Variants in CNBD1 observed in about 807,000 individuals in gnomAD.
CNBD1 encodes the protein cyclic nucleotide-binding domain-containing protein 1.
Under a neutral mutation model 54.4 loss-of-function variants are expected in CNBD1, and 71 were observed. The observed-to-expected ratio is 1.30, with a 90% CI of 1.08 to 1.59. The LOEUF is 1.59. Among genes scored for constraint, CNBD1 ranks in the 40% most tolerant of loss-of-function variants. CNBD1 has a pLI of 0.00. For synonymous variants in CNBD1, 182 were observed against 170.7 expected (o/e 1.07, Z -0.51); for missense variants, 659 against 518.0 (o/e 1.27, Z -2.64).
chr8:87,093,939 C>T (rs573597305), intron 4 of CNBD1, among the ~76,000 whole-genome samples: 1 of 152,228 alleles, frequency 6.6e-6, no homozygotes, highest in African/African-American at 2.4e-5. Flanking sequence ...CTGTTCCTTT[C>T]TAGGAACAGA....
rs545187554 is a variant in CNBD1 at position 87,274,290 on chromosome 8, A to G, written c.772-10388A>G. On this transcript the variant is annotated intron_variant, in intron 6 of 10. Coordinates refer to ENST00000518476, the MANE Select transcript of CNBD1 (RefSeq NM_173538.3). ...TAGTCCTTTGGGTATATACCCAGTA[A>G]TGGGATGGCTGGGTCAAATGGTATT... Among the ~76,000 whole-genome samples, 4 of 150,080 alleles carry G rather than the reference A, an allele frequency of 2.7e-5. No homozygotes were observed. In the East Asian group the frequency reaches 7.8e-4, roughly 29 times the overall value.
intron 6 of CNBD1, among the ~76,000 whole-genome samples, chr8:87,260,250 C>T (rs538536090): frequency 6.6e-6 from 1 of 152,074 alleles, no homozygotes; most frequent in Non-Finnish European, 1.5e-5. Context: ...AAGGCAGAGA[C>T]CAAGAGAAAG....
chr8:87,367,659 A>G (rs527323624), intron 10 of CNBD1, among the ~76,000 whole-genome samples: 18 of 152,250 alleles, frequency 1.2e-4, no homozygotes, highest in African/African-American at 4.1e-4. Flanking sequence ...TATATGTTTT[A>G]TCTAATCAAA....
chr8:87,012,092 T>G (rs1016397263), intron 4 of CNBD1, among the ~76,000 whole-genome samples: 1 of 152,180 alleles, frequency 6.6e-6, no homozygotes, highest in African/African-American at 2.4e-5. Context: ...TGGTTTGAAT[T>G]TATAAGTTAG....
intron 4 of CNBD1, among the ~76,000 whole-genome samples, chr8:87,198,402 A>C (rs1813767172): frequency 6.6e-6 from 1 of 152,184 alleles, no homozygotes; most frequent in South Asian, 2.1e-4. Flanking sequence ...GAGTTCCCCT[A>C]TTATATTATT....
intron 4 of CNBD1, among the ~76,000 whole-genome samples, chr8:87,106,619 C>A (rs1170779698): frequency 2.6e-5 from 4 of 152,150 alleles, no homozygotes; most frequent in Non-Finnish European, 5.9e-5. Flanking sequence ...TTTAATTAAA[C>A]TTCTGTATCC....
chr8:87,096,629 CCTG>C (rs1811325855), intron 4 of CNBD1, among the ~76,000 whole-genome samples: 2 of 152,046 alleles, frequency 1.3e-5, no homozygotes, highest in Admixed American at 6.5e-5. Flanking sequence ...TCCACACATG[CCTG>C]CCTTTTAGCT....
At position 87,394,091 on chromosome 8, in the gene CNBD1, C is replaced by G. The variant is rs1285583917; in HGVS notation, c.214-34455C>G. On this transcript the variant is annotated intron_variant, in intron 2 of 7. Transcript: ENST00000521593. ...ACATGCTTATTTCTATGGACATGAT[C>G]ACAGGCTATATTTTGCCATTTGTTG... 2.0e-5 allele frequency among the ~76,000 whole-genome samples: 3 copies of G among 151,812 alleles called. No homozygotes were observed. The South Asian group carries it at 6.2e-4, about 31-fold the overall frequency.
At chr8:87,082,162 G>A (rs1333145062) in intron 4 of CNBD1, among the ~76,000 whole-genome samples, 1 of 152,074 alleles carries the variant, frequency 6.6e-6, no homozygotes, top group Non-Finnish European at 1.5e-5. Context: ...ATTTGTTCCT[G>A]CCCCACCCCA....
intron 6 of CNBD1, among the ~76,000 whole-genome samples, chr8:87,238,808 C>G (rs1021784679): frequency 6.6e-6 from 1 of 151,974 alleles, no homozygotes; most frequent in Non-Finnish European, 1.5e-5. Flanking sequence ...GCCAAAGAAC[C>G]CTGGGATTAG....
chr8:87,200,984 A>T (rs1813847345), intron 4 of CNBD1, among the ~76,000 whole-genome samples: 1 of 152,220 alleles, frequency 6.6e-6, no homozygotes, highest in South Asian at 2.1e-4. Context: ...ATGAATATTG[A>T]TGCAAATATT....
chr8:86,895,945 T>C (rs750386175), intron 2 of CNBD1, among the ~76,000 whole-genome samples: 2 of 152,178 alleles, frequency 1.3e-5, no homozygotes, highest in African/African-American at 2.4e-5. Flanking sequence ...GCACATTTTT[T>C]AATTGTGTTG....
chr8:87,096,218 G>T (rs1811317090), intron 4 of CNBD1, among the ~76,000 whole-genome samples: 3 of 152,164 alleles, frequency 2.0e-5, no homozygotes, highest in African/African-American at 4.8e-5. Context: ...CACAATTCTG[G>T]AGACTGGGAA....
At position 87,326,592 on chromosome 8, in the gene CNBD1, G is replaced by A. The variant is rs1407900492; in HGVS notation, c.1043-25093G>A. Among the ~76,000 whole-genome samples, 20 of 114,896 alleles carry A rather than the reference G, an allele frequency of 1.7e-4. 1 individual carries two copies. Among genetic ancestry groups the A allele is most frequent in the African/African-American group, 4.9e-4 (15 of 30,790 alleles). The allele number at this position is 114,896 out of a possible 152,430, so 75.4% of individuals were successfully genotyped here. On this transcript the variant is annotated intron_variant, in intron 8 of 10. Coordinates refer to ENST00000518476, the MANE Select transcript of CNBD1 (RefSeq NM_173538.3). ...CTGATACCCTTTCTTCCAGTTGATC[G>A]CATCGGCTCCTGAGGCTTCTGCATT...
chr8:87,086,054 G>C (rs1409352971), intron 4 of CNBD1, among the ~76,000 whole-genome samples: 1 of 152,138 alleles, frequency 6.6e-6, no homozygotes, highest in Non-Finnish European at 1.5e-5. Context: ...TAGTGAGGGA[G>C]CTTTTGTAAT....
chr8:87,313,535 A>G (rs1809314209), intron 8 of CNBD1, among the ~76,000 whole-genome samples: 1 of 151,994 alleles, frequency 6.6e-6, no homozygotes, highest in African/African-American at 2.4e-5. Flanking sequence ...GGAACTATCA[A>G]TAGTTTTTAA....
At chr8:87,288,770 T>C (rs1458728461) in intron 8 of CNBD1, among the ~76,000 whole-genome samples, 2 of 152,102 alleles carry the variant, frequency 1.3e-5, no homozygotes, top group South Asian at 2.1e-4. Flanking sequence ...CAAAATAATA[T>C]TGTTTTCTCA....
At chr8:86,956,034 C>A (rs1054401728) in intron 4 of CNBD1, among the ~76,000 whole-genome samples, 1 of 152,146 alleles carries the variant, frequency 6.6e-6, no homozygotes, top group Admixed American at 6.5e-5. Flanking sequence ...GATCCAGTTT[C>A]AGCTTTCTAC....
intron 4 of CNBD1, among the ~76,000 whole-genome samples, chr8:87,097,486 A>G (rs1256153703): frequency 6.6e-6 from 1 of 152,212 alleles, no homozygotes; most frequent in African/African-American, 2.4e-5. Context: ...ATGTTTCTTC[A>G]CTTGACAAGC....
Sources: allele counts gnomAD v4.1 joint callset (sites outside exome capture counted in the v4.1 genomes callset), GRCh38; gene constraint gnomAD v4.1.1; transcripts MANE v1.5; gene names NCBI Gene and HGNC (gene_info 2026-07-23, HGNC 2026-07-21).